Variants in TXLNB observed in about 807,000 individuals in gnomAD.
TXLNB encodes the protein taxilin beta, also known as beta-taxilin.
Under a neutral mutation model 57.4 loss-of-function variants are expected in TXLNB, and 37 were observed. That is an observed-to-expected ratio of 0.64 (90% CI 0.50 to 0.85). TXLNB has a LOEUF of 0.85. TXLNB is among the 40% of genes least tolerant of loss of function. The pLI is 0.00. For synonymous variants in TXLNB, 302 were observed against 309.6 expected, an observed-to-expected ratio of 0.98 and a Z score of 0.26; for missense variants, 848 against 825.6, an observed-to-expected ratio of 1.03 and a Z score of -0.33.
At chr6:139,274,707 C>T (rs1323307581) in intron 3 of TXLNB, among the ~76,000 whole-genome samples, 2 of 152,126 alleles carry the variant, frequency 1.3e-5, no homozygotes, top group African/African-American at 4.8e-5. Context: ...GATGCTTCCC[C>T]AGTGCACTGT....
the TXLNB span, among the ~76,000 whole-genome samples, chr6:139,226,917 C>T: frequency 2.6e-5 from 4 of 152,148 alleles, no homozygotes; most frequent in Non-Finnish European, 5.9e-5. Context: ...GTCCCAGCTA[C>T]GCGGGAGGCT....
chr6:139,253,287 T>C (rs1267420120), intron 7 of TXLNB, among the ~76,000 whole-genome samples: 2 of 152,232 alleles, frequency 1.3e-5, no homozygotes, highest in African/African-American at 4.8e-5. Flanking sequence ...TACATATGCA[T>C]TAACTGATTT....
At chr6:139,293,919 T>A (rs542873845), upstream of TXLNB, among the ~76,000 whole-genome samples, 1 of 152,338 alleles carries the variant, frequency 6.6e-6, no homozygotes, top group South Asian at 2.1e-4. Flanking sequence ...CATTCCATCC[T>A]GGATTGTAGC....
At chr6:139,304,174 GT>G in the TXLNB span, among the ~76,000 whole-genome samples, 1 of 152,174 alleles carries the variant, frequency 6.6e-6, no homozygotes, top group Admixed American at 6.5e-5. Context: ...AGGTGAAGAA[GT>G]TGTTACTGCT....
chr6:139,253,666 G>A (rs920968950), intron 7 of TXLNB, among the ~76,000 whole-genome samples: 2 of 151,724 alleles, frequency 1.3e-5, no homozygotes, highest in East Asian at 1.9e-4. Context: ...AGTTTGAGGG[G>A]GTATAAGGGG....
At chr6:139,321,542 CTT>C in the TXLNB span, among the ~76,000 whole-genome samples, 60 of 131,290 alleles carry the variant, frequency 4.6e-4, no homozygotes, top group Admixed American at 7.7e-4. Context: ...CTGAGCTCTC[CTT>C]TTTTTTTTTT....
chr6:139,215,731 A>G, the TXLNB span, among the ~76,000 whole-genome samples: 1 of 152,244 alleles, frequency 6.6e-6, no homozygotes, highest in Non-Finnish European at 1.5e-5. Context: ...TACTCATTGG[A>G]CAAAGGGCTA....
At position 139,283,316 on chromosome 6, in the gene TXLNB, C is replaced by A. The variant is rs1349542496; in HGVS notation, c.424+5160G>T. The A allele has an allele frequency of 2.1e-5, 3 of 142,554 alleles. 1 individual carries two copies. The highest frequency in any genetic ancestry group is 4.6e-5 in the Non-Finnish European group (3 of 64,836). 8.8% of individuals were successfully genotyped at this position (142,554 alleles called of 1,614,324 possible). A position where few individuals can be genotyped will look rare whatever the true frequency, so the allele number is the denominator to read the frequency against. On this transcript the variant is annotated intron_variant, in intron 2 of 9. Coordinates refer to ENST00000358430, the MANE Select transcript of TXLNB (RefSeq NM_153235.4). ...CCTTGGCCAGGCGTGGTGGTTCATG[C>A]CTGTAATCCCAGCACTTTGGGAGAC...
At chr6:139,204,239 G>T in the TXLNB span, among the ~76,000 whole-genome samples, 25 of 152,182 alleles carry the variant, frequency 1.6e-4, 1 homozygote, top group African/African-American at 5.8e-4. Context: ...GCATTTTTTA[G>T]TAGAGATGGG....
chr6:139,318,208 T>TGCA, the TXLNB span, among the ~76,000 whole-genome samples: 351 of 144,852 alleles, frequency 2.4e-3, 1 homozygote, highest in Non-Finnish European at 4.2e-3. Context: ...AGGCAGAGCT[T>TGCA]GCAGTGAGCC....
At chr6:139,210,006 C>T in the TXLNB span, among the ~76,000 whole-genome samples, 5 of 151,902 alleles carry the variant, frequency 3.3e-5, no homozygotes, top group African/African-American at 4.8e-5. Flanking sequence ...GGAACTCAAA[C>T]AAATCAACAA....
upstream of TXLNB, among the ~76,000 whole-genome samples, chr6:139,292,673 TCAAA>T (rs1286836615): frequency 1.3e-5 from 2 of 152,236 alleles, no homozygotes; most frequent in Non-Finnish European, 2.9e-5. The surrounding 1 kb of genome is among the most constrained non-coding windows in gnomAD (Gnocchi z 4.0). Context: ...TCTTCCCATC[TCAAA>T]CAAACCCTCA....
At chr6:139,300,503 G>C in the TXLNB span, among the ~76,000 whole-genome samples, 1 of 152,106 alleles carries the variant, frequency 6.6e-6, no homozygotes, top group Non-Finnish European at 1.5e-5. Flanking sequence ...ATTGTCCATT[G>C]ATAGGCTTAA....
intron 6 of TXLNB, among the ~76,000 whole-genome samples, chr6:139,258,978 C>T (rs148228824): frequency 1.1e-3 from 161 of 152,288 alleles, no homozygotes; most frequent in Non-Finnish European, 2.0e-3. Context: ...AACACCACCA[C>T]TCAGTTTCCT....
At chr6:139,219,396 C>T in the TXLNB span, among the ~76,000 whole-genome samples, 1 of 152,332 alleles carries the variant, frequency 6.6e-6, no homozygotes, top group Non-Finnish European at 1.5e-5. Context: ...CTGCTGTTCT[C>T]TCTGTGCAGA....
At chr6:139,299,331 C>T in the TXLNB span, among the ~76,000 whole-genome samples, 1 of 152,158 alleles carries the variant, frequency 6.6e-6, no homozygotes, top group Non-Finnish European at 1.5e-5. Flanking sequence ...GGCTCATGTT[C>T]CCTGTAAGAA....
the TXLNB span, among the ~76,000 whole-genome samples, chr6:139,323,156 T>A: frequency 6.6e-6 from 1 of 152,190 alleles, no homozygotes; most frequent in Non-Finnish European, 1.5e-5. Flanking sequence ...TAGGAAATCA[T>A]TTTGTTGGTG....
At position 139,281,649 on chromosome 6, in the gene TXLNB, C is replaced by T. The variant is rs1193494082; in HGVS notation, c.425-4728G>A. Among the ~76,000 whole-genome samples, 4 of 105,036 alleles carry T rather than the reference C, an allele frequency of 3.8e-5. 1 individual carries two copies. Among genetic ancestry groups the T allele is most frequent in the Admixed American group, 8.6e-5 (1 of 11,668 alleles). 68.9% of individuals were successfully genotyped at this position (105,036 alleles called of 152,430 possible). A position where few individuals can be genotyped will look rare whatever the true frequency, so the allele number is the denominator to read the frequency against. ...CTGCAAGCTCCGCCTCCCGGGTTCA[C>T]GCCATTCTCCTGCCTCAGCCTCCCG... is the stretch of plus-strand genomic sequence containing the variant. On this transcript the variant is annotated intron_variant, in intron 2 of 9. Transcript: ENST00000358430.
At chr6:139,275,480 G>C (rs1441539371) in intron 3 of TXLNB, among the ~76,000 whole-genome samples, 1 of 152,154 alleles carries the variant, frequency 6.6e-6, no homozygotes. Flanking sequence ...AGGGATTAGA[G>C]ATTTTTTGTT....
Sources: allele counts gnomAD v4.1 joint callset (sites outside exome capture counted in the v4.1 genomes callset), GRCh38; gene constraint gnomAD v4.1.1; non-coding constraint Gnocchi (gnomAD v3.1); transcripts MANE v1.5; gene names NCBI Gene and HGNC (gene_info 2026-07-23, HGNC 2026-07-21).